Variants in FAM107B observed in about 807,000 individuals in gnomAD.
The protein encoded by FAM107B is protein FAM107B.
Under a neutral mutation model 31.5 loss-of-function variants are expected in FAM107B, and 21 were observed. The observed-to-expected ratio is 0.67, with a 90% CI of 0.47 to 0.96. FAM107B has a LOEUF of 0.96. FAM107B is among the 40% of genes least tolerant of loss of function. The pLI is 0.00. For missense variants in FAM107B, 452 were observed against 377.1 expected (o/e 1.20, Z -1.64); for synonymous variants, 157 against 141.5 (o/e 1.11, Z -0.78).
chr10:14,751,061 G>A (rs978910562), intron 1 of FAM107B, among the ~76,000 whole-genome samples: 8 of 152,190 alleles, frequency 5.3e-5, no homozygotes, highest in Non-Finnish European at 1.0e-4. Flanking sequence ...GAGGGGCCTG[G>A]CCCCATGTGC....
chr10:14,673,918 G>C (rs1475360845), intron 1 of FAM107B, among the ~76,000 whole-genome samples: 2 of 152,080 alleles, frequency 1.3e-5, no homozygotes, highest in African/African-American at 2.4e-5. Flanking sequence ...CTTCTTTTGA[G>C]AAATGCCTAT....
At chr10:14,766,840 TTGGATCATG>T (rs1471120196) in intron 1 of FAM107B, among the ~76,000 whole-genome samples, 1 of 150,346 alleles carries the variant, frequency 6.7e-6, no homozygotes, top group Non-Finnish European at 1.5e-5. Context: ...ACAGAAAGAC[TTGGATCATG>T]TGGTTTCACT....
At chr10:14,684,748 T>C (rs1390462273) in intron 1 of FAM107B, among the ~76,000 whole-genome samples, 1 of 152,194 alleles carries the variant, frequency 6.6e-6, no homozygotes, top group Non-Finnish European at 1.5e-5. Context: ...ATACTTCAGA[T>C]CTACCTAGTA....
At chr10:14,625,759 A>C (rs35386888) in intron 2 of FAM107B, among the ~76,000 whole-genome samples, 1 of 151,656 alleles carries the variant, frequency 6.6e-6, no homozygotes, top group Non-Finnish European at 1.5e-5. Context: ...AAAAAGTGGC[A>C]CAGAAGAATA....
chr10:14,682,827 A>C (rs1854870873), intron 1 of FAM107B, among the ~76,000 whole-genome samples: 1 of 152,134 alleles, frequency 6.6e-6, no homozygotes, highest in Non-Finnish European at 1.5e-5. Context: ...CCACTATGGC[A>C]CATGTATACC....
intron 1 of FAM107B, among the ~76,000 whole-genome samples, chr10:14,712,763 G>A (rs1046162937): frequency 6.6e-6 from 1 of 152,156 alleles, no homozygotes; most frequent in African/African-American, 2.4e-5. Flanking sequence ...CAGATGAGAA[G>A]TGTTGTTGTT....
At chr10:14,578,578 G>A (rs1851535707) in intron 2 of FAM107B, among the ~76,000 whole-genome samples, 2 of 152,158 alleles carry the variant, frequency 1.3e-5, no homozygotes, top group South Asian at 4.1e-4. Flanking sequence ...CCTGTTTATA[G>A]AGTGAGTGAT....
At chr10:14,628,195 C>T (rs1223964824) in intron 2 of FAM107B, among the ~76,000 whole-genome samples, 3 of 143,674 alleles carry the variant, frequency 2.1e-5, no homozygotes, top group South Asian at 4.5e-4. Flanking sequence ...CAGGTCACTG[C>T]AACCTCCCCC....
intron 2 of FAM107B, among the ~76,000 whole-genome samples, chr10:14,624,779 A>T (rs61842730): frequency 0.36 from 54,872 of 152,168 alleles, 11,212 homozygotes; most frequent in Non-Finnish European, 0.45. Flanking sequence ...AGAAAAACAG[A>T]GTGGGTGGAG....
intron 2 of FAM107B, among the ~76,000 whole-genome samples, chr10:14,610,398 T>C (rs1284424764): frequency 1.3e-5 from 2 of 152,180 alleles, no homozygotes; most frequent in African/African-American, 4.8e-5. Context: ...AATAGCATAA[T>C]CATGTAAATA....
intron 2 of FAM107B, among the ~76,000 whole-genome samples, chr10:14,578,943 CG>C (rs1851547936): frequency 6.6e-6 from 1 of 152,074 alleles, no homozygotes; most frequent in Admixed American, 6.5e-5. Context: ...TTCGTTCAAA[CG>C]CAAGCTAAAA....
At chr10:14,583,377 T>A (rs2131314035) in intron 2 of FAM107B, among the ~76,000 whole-genome samples, 1 of 152,192 alleles carries the variant, frequency 6.6e-6, no homozygotes, top group Middle Eastern at 3.4e-3. Context: ...GGAAAGTAGC[T>A]GCTGCTGCAC....
intron 2 of FAM107B, among the ~76,000 whole-genome samples, chr10:14,536,759 A>G (rs1323839066): frequency 6.6e-6 from 1 of 152,152 alleles, no homozygotes; most frequent in Non-Finnish European, 1.5e-5. Context: ...CAGAGACGTT[A>G]TTGTTTCATA....
chr10:14,653,821 C>T (rs900136657), intron 2 of FAM107B: 6 of 152,162 alleles, frequency 3.9e-5, no homozygotes, highest in South Asian at 2.1e-4. Flanking sequence ...AGTGTTTTCT[C>T]CTGTTTCCAT....
intron 2 of FAM107B, among the ~76,000 whole-genome samples, chr10:14,573,121 C>A (rs1208439309): frequency 1.3e-5 from 2 of 152,124 alleles, no homozygotes; most frequent in South Asian, 2.1e-4. Context: ...AGTGCCGCAG[C>A]CCTGCTCAGT....
At chr10:14,722,730 A>G (rs1855941103) in intron 1 of FAM107B, among the ~76,000 whole-genome samples, 1 of 152,166 alleles carries the variant, frequency 6.6e-6, no homozygotes, top group Admixed American at 6.5e-5. Flanking sequence ...TATCAGATAT[A>G]TAATTTGCAA....
chr10:14,647,309 T>G (rs554056607), intron 2 of FAM107B, among the ~76,000 whole-genome samples: 1 of 152,194 alleles, frequency 6.6e-6, no homozygotes, highest in Non-Finnish European at 1.5e-5. Flanking sequence ...ATCACCACAG[T>G]CTTGGCCAGA....
intron 2 of FAM107B, among the ~76,000 whole-genome samples, chr10:14,587,642 G>A (rs77416089): frequency 0.017 from 2,547 of 152,148 alleles, 74 homozygotes; most frequent in African/African-American, 0.057. Flanking sequence ...CTATAAAATC[G>A]TCACCACAAC....
intron 1 of FAM107B, among the ~76,000 whole-genome samples, chr10:14,679,748 C>T (rs1854783028): frequency 6.6e-6 from 1 of 152,192 alleles, no homozygotes; most frequent in Admixed American, 6.5e-5. Flanking sequence ...AGGAGATTAA[C>T]ATTTGAGACA....
Sources: gnomAD v4.1 joint callset for allele counts (sites outside exome capture counted in the v4.1 genomes callset) on GRCh38, gnomAD v4.1.1 for gene constraint, MANE v1.5 for transcripts, NCBI Gene and HGNC (gene_info 2026-07-23, HGNC 2026-07-21) for gene names.